The following DGKB variants were observed in gnomAD, a reference collection of about 807,000 sequenced individuals.
DGKB encodes the protein diacylglycerol kinase beta.
A neutral mutation model predicts 114.3 loss-of-function variants in DGKB; 67 were observed. The ratio of observed to expected loss-of-function variants is 0.59; its 90% CI spans 0.48 to 0.72. DGKB has a LOEUF of 0.72. Ranked by LOEUF, DGKB falls within the 30% of genes least tolerant of loss-of-function variation. DGKB has a pLI of 0.00. For synonymous variants in DGKB, 398 were observed against 323.1 expected (o/e 1.23, Z -2.49); for missense variants, 907 against 975.2 (o/e 0.93, Z 0.93).
intron 1 of DGKB, among the ~76,000 whole-genome samples, chr7:14,889,795 T>G (rs115419568): frequency 2.6e-5 from 4 of 151,720 alleles, no homozygotes; most frequent in African/African-American, 9.6e-5. Context: ...AATTGGAATC[T>G]GAACAGCATA....
At chr7:14,239,169 C>T (rs17167995) in intron 23 of DGKB, among the ~76,000 whole-genome samples, 10,233 of 152,012 alleles carry the variant, frequency 0.067, 513 homozygotes, top group East Asian at 0.17. Flanking sequence ...CCTTTCATAT[C>T]TTTTCTGCAT....
At chr7:14,743,579 A>C (rs1832861501) in intron 4 of DGKB, among the ~76,000 whole-genome samples, 1 of 152,172 alleles carries the variant, frequency 6.6e-6, no homozygotes, top group East Asian at 1.9e-4. Flanking sequence ...AAACAGAATA[A>C]TTTAACATGG....
rs551806185 is a variant in DGKB at position 14,874,735 on chromosome 7, A to C, written c.-188+27857T>G. Among the ~76,000 whole-genome samples the C allele has an allele frequency of 9.9e-4, 151 of 152,250 alleles. 2 individuals are homozygous for C. Among genetic ancestry groups the C allele is most frequent in the African/African-American group, 3.2e-3 (133 of 41,572 alleles). Reference sequence around the variant, plus strand: ...TGCTTTTTACAGGAACAACTGAAAAAAGCAAGAACTGCAACAAAATTATAT... The same window carrying C: ...TGCTTTTTACAGGAACAACTGAAAACAGCAAGAACTGCAACAAAATTATAT... On this transcript the variant is annotated intron_variant, in intron 1 of 25. Coordinates refer to ENST00000402815, the MANE Select transcript of DGKB (RefSeq NM_001350709.2).
At chr7:14,605,577 G>A (rs551908943) in intron 17 of DGKB, among the ~76,000 whole-genome samples, 2 of 151,704 alleles carry the variant, frequency 1.3e-5, no homozygotes, top group South Asian at 2.1e-4. Flanking sequence ...ACTTTTTACA[G>A]TTACATACAT....
chr7:14,962,656 G>A (rs1786923982), intron 1 of DGKB, among the ~76,000 whole-genome samples: 1 of 151,774 alleles, frequency 6.6e-6, no homozygotes, highest in Non-Finnish European at 1.5e-5. Context: ...GTGTGTGTGT[G>A]TGTGTGTGTG....
chr7:14,907,265 T>C (rs1283124403), upstream of DGKB, among the ~76,000 whole-genome samples: 1 of 152,198 alleles, frequency 6.6e-6, no homozygotes, highest in East Asian at 1.9e-4. Flanking sequence ...ACTAACAAAA[T>C]AGATCACCAT....
chr7:14,824,720 C>T (rs1039805395), intron 2 of DGKB, among the ~76,000 whole-genome samples: 1 of 151,874 alleles, frequency 6.6e-6, no homozygotes, highest in Non-Finnish European at 1.5e-5. Flanking sequence ...TGTTTATGTA[C>T]ATTTACCCTT....
chr7:14,943,209 C>T (rs778077959), intron 1 of DGKB, among the ~76,000 whole-genome samples: 1 of 151,554 alleles, frequency 6.6e-6, no homozygotes, highest in Non-Finnish European at 1.5e-5. Context: ...AACATTGTTC[C>T]TAGATACAAA....
chr7:14,341,010 T>C (rs1361783418), intron 22 of DGKB, among the ~76,000 whole-genome samples: 1 of 151,642 alleles, frequency 6.6e-6, no homozygotes, highest in Non-Finnish European at 1.5e-5. Flanking sequence ...AAAAAAGAAT[T>C]GAACCAGCTG....
intron 5 of DGKB, among the ~76,000 whole-genome samples, chr7:14,725,079 G>C (rs1428194808): frequency 6.6e-6 from 1 of 152,166 alleles, no homozygotes; most frequent in Non-Finnish European, 1.5e-5. Flanking sequence ...GGCTGAGCAA[G>C]AGGATCACTT....
At chr7:14,502,093 A>G (rs578119384) in intron 20 of DGKB, among the ~76,000 whole-genome samples, 2 of 152,040 alleles carry the variant, frequency 1.3e-5, no homozygotes, top group African/African-American at 2.4e-5. Flanking sequence ...TGAAAGAGGA[A>G]GTCTATTTAT....
At chr7:14,190,599 A>C (rs969437512) in intron 23 of DGKB, among the ~76,000 whole-genome samples, 3 of 152,150 alleles carry the variant, frequency 2.0e-5, no homozygotes, top group African/African-American at 7.2e-5. Flanking sequence ...AAGATCAACA[A>C]AATGAAGAAT....
intron 1 of DGKB, among the ~76,000 whole-genome samples, chr7:14,898,898 T>C (rs1352076427): frequency 1.3e-5 from 2 of 152,140 alleles, no homozygotes; most frequent in Admixed American, 6.6e-5. Flanking sequence ...TTGGGGACAT[T>C]GTGTTTCAAG....
intron 21 of DGKB, among the ~76,000 whole-genome samples, chr7:14,394,665 C>T (rs1821947253): frequency 1.6e-5 from 1 of 62,856 alleles, no homozygotes; most frequent in East Asian, 3.6e-4. Flanking sequence ...CATCAATGAC[C>T]ATTTTTTTTT....
At chr7:14,751,760 C>A (rs1351007026) in intron 4 of DGKB, among the ~76,000 whole-genome samples, 1 of 152,158 alleles carries the variant, frequency 6.6e-6, no homozygotes, top group African/African-American at 2.4e-5. Context: ...ATGCAGAAGA[C>A]ATCAGAGTTA....
chr7:14,261,971 G>T (rs1171427120), intron 23 of DGKB, among the ~76,000 whole-genome samples: 1 of 152,152 alleles, frequency 6.6e-6, no homozygotes, highest in Non-Finnish European at 1.5e-5. Flanking sequence ...ATACGATTAT[G>T]CATAGTGAAA....
At chr7:14,193,864 C>A (rs1226466627) in intron 23 of DGKB, among the ~76,000 whole-genome samples, 5 of 151,822 alleles carry the variant, frequency 3.3e-5, no homozygotes, top group Non-Finnish European at 7.4e-5. Context: ...CCCCCAAATA[C>A]CTCATTTTAA....
At chr7:14,532,387 C>A (rs998707569) in intron 20 of DGKB, among the ~76,000 whole-genome samples, 1 of 151,254 alleles carries the variant, frequency 6.6e-6, no homozygotes, top group African/African-American at 2.4e-5. Flanking sequence ...ATACTGTCTA[C>A]AAGAATTATG....
chr7:14,677,267 T>C (rs550948105), intron 12 of DGKB, among the ~76,000 whole-genome samples: 3 of 151,856 alleles, frequency 2.0e-5, no homozygotes, highest in South Asian at 4.2e-4. Context: ...GGAGGAAAAA[T>C]GGAAAATAAG....
Sources: allele counts gnomAD v4.1 joint callset (sites outside exome capture counted in the v4.1 genomes callset), GRCh38; gene constraint gnomAD v4.1.1; transcripts MANE v1.5; gene names NCBI Gene and HGNC (gene_info 2026-07-23, HGNC 2026-07-21).